The following PTPRR variants were observed in gnomAD, a reference collection of about 807,000 sequenced individuals.
PTPRR encodes the protein receptor-type tyrosine-protein phosphatase R.
In PTPRR, 38 loss-of-function variants were observed where a neutral mutation model predicts 77.2. The ratio of observed to expected loss-of-function variants is 0.49; its 90% CI spans 0.38 to 0.65. The LOEUF (loss-of-function observed/expected upper bound fraction) is 0.65. PTPRR is among the 30% of genes least tolerant of loss of function. The pLI, the probability that PTPRR is intolerant of heterozygous loss-of-function variation, is 0.00. For synonymous variants in PTPRR, 299 were observed against 283.1 expected (o/e 1.06, Z -0.57); for missense variants, 744 against 799.2 (o/e 0.93, Z 0.83).
intron 2 of PTPRR, among the ~76,000 whole-genome samples, chr12:70,862,164 C>G (rs1052909205): frequency 6.6e-6 from 1 of 152,056 alleles, no homozygotes; most frequent in African/African-American, 2.4e-5. Flanking sequence ...AGCAAATTCT[C>G]CAAGGCCTAC....
chr12:70,907,960 T>C (rs1477610969), intron 1 of PTPRR, among the ~76,000 whole-genome samples: 2 of 152,200 alleles, frequency 1.3e-5, no homozygotes, highest in African/African-American at 4.8e-5. Flanking sequence ...TCAGTTCTGT[T>C]TGCACTCACT....
Position 70,736,671 on chromosome 12 carries a change from G to A in PTPRR, c.1007+9147C>T, listed in dbSNP as rs60575273. 6.7e-3 allele frequency among the ~76,000 whole-genome samples: 1,016 copies of A among 152,238 alleles called. 14 individuals carry two copies. Among genetic ancestry groups the A allele is most frequent in the African/African-American group, 0.023 (970 of 41,550 alleles). On this transcript the variant is annotated intron_variant, in intron 6 of 13. Transcript: ENST00000283228. ...AAGGGTCAACAGGGCATACTGAGTT[G>A]TTATTTTTATTGATGTTATTTGGAG...
chr12:70,657,507 C>T (rs753459536), intron 12 of PTPRR, among the ~76,000 whole-genome samples: 1 of 152,186 alleles, frequency 6.6e-6, no homozygotes, highest in Non-Finnish European at 1.5e-5. Flanking sequence ...CACAAGCACA[C>T]GTGCTCTCTC....
chr12:70,717,644 C>T (rs1889082950), intron 6 of PTPRR, among the ~76,000 whole-genome samples: 1 of 152,160 alleles, frequency 6.6e-6, no homozygotes, highest in South Asian at 2.1e-4. Context: ...ATACAAGACA[C>T]AGGACAAAAT....
At chr12:70,820,042 G>C (rs1050546748) in intron 2 of PTPRR, among the ~76,000 whole-genome samples, 1 of 152,154 alleles carries the variant, frequency 6.6e-6, no homozygotes, top group Non-Finnish European at 1.5e-5. Flanking sequence ...ATTAGAAATA[G>C]GTTGAAATAA....
rs541738580 is a variant in PTPRR at position 70,819,269 on chromosome 12, C to T, written c.358-54491G>A. On this transcript the variant is annotated intron_variant, in intron 2 of 13. Transcript: ENST00000283228. ...GCACTGAGCTGAGATTGCACCACTG[C>T]GCTCCAGCCTGGGTGACAGAGTGAG... Among the ~76,000 whole-genome samples, 34 of 152,306 alleles carry T rather than the reference C, an allele frequency of 2.2e-4. 1 individual carries two copies. The South Asian group carries it at 3.5e-3, about 16-fold the overall frequency.
chr12:70,902,395 C>A (rs1893552499), intron 1 of PTPRR, among the ~76,000 whole-genome samples: 1 of 151,758 alleles, frequency 6.6e-6, no homozygotes, highest in South Asian at 2.1e-4. Flanking sequence ...TTCGCAATTG[C>A]AAAATCGTGG....
chr12:70,881,170 T>C (rs547321068), intron 2 of PTPRR, among the ~76,000 whole-genome samples: 8 of 152,282 alleles, frequency 5.3e-5, no homozygotes, highest in African/African-American at 1.9e-4. Flanking sequence ...AGAAACAACA[T>C]GTACTTGTTC....
At chr12:70,870,319 A>C (rs1181583651) in intron 2 of PTPRR, among the ~76,000 whole-genome samples, 1 of 152,198 alleles carries the variant, frequency 6.6e-6, no homozygotes, top group Non-Finnish European at 1.5e-5. Flanking sequence ...CAAAATGGGA[A>C]TAATAATATC....
At chr12:70,769,253 A>G (rs1203144826) in intron 2 of PTPRR, among the ~76,000 whole-genome samples, 2 of 151,122 alleles carry the variant, frequency 1.3e-5, no homozygotes. Flanking sequence ...TTGTATATCT[A>G]GAAAACCCCA....
At chr12:70,640,945 T>A (rs1885974981) in intron 13 of PTPRR, among the ~76,000 whole-genome samples, 1 of 152,310 alleles carries the variant, frequency 6.6e-6, no homozygotes, top group African/African-American at 2.4e-5. Flanking sequence ...ACAGAAGTAT[T>A]TAATTGGTCT....
chr12:70,890,998 A>G (rs534278265), intron 2 of PTPRR, among the ~76,000 whole-genome samples: 69 of 152,284 alleles, frequency 4.5e-4, no homozygotes, highest in Admixed American at 1.1e-3. Flanking sequence ...CATCATGCAC[A>G]TAAGTAATCT....
chr12:70,716,456 G>C (rs1162157155), intron 6 of PTPRR, among the ~76,000 whole-genome samples: 1 of 152,024 alleles, frequency 6.6e-6, no homozygotes, highest in Non-Finnish European at 1.5e-5. Flanking sequence ...AAGTAGGAAA[G>C]GGCAAGATAA....
At chr12:70,903,714 A>G (rs1437183996) in intron 1 of PTPRR, among the ~76,000 whole-genome samples, 1 of 151,878 alleles carries the variant, frequency 6.6e-6, no homozygotes. Context: ...CACAATCCAC[A>G]GAGAAAAAGA....
chr12:70,652,274 G>A (rs1482902665), intron 13 of PTPRR, among the ~76,000 whole-genome samples: 2 of 152,152 alleles, frequency 1.3e-5, no homozygotes, highest in Admixed American at 6.5e-5. Flanking sequence ...ATAGGAAAAA[G>A]CTGAAGGACT....
chr12:70,849,173 A>G (rs1181660658), intron 2 of PTPRR, among the ~76,000 whole-genome samples: 1 of 152,204 alleles, frequency 6.6e-6, no homozygotes, highest in Non-Finnish European at 1.5e-5. Context: ...AAAACAATGT[A>G]TTAGAAATGA....
intron 2 of PTPRR, among the ~76,000 whole-genome samples, chr12:70,827,205 TG>T (rs1236478009): frequency 6.6e-6 from 1 of 152,232 alleles, no homozygotes; most frequent in Non-Finnish European, 1.5e-5. Flanking sequence ...TTTTCCTCAC[TG>T]GAATATAAGT....
chr12:70,659,841 T>A (rs1409241955), intron 12 of PTPRR, among the ~76,000 whole-genome samples: 2 of 151,948 alleles, frequency 1.3e-5, no homozygotes, highest in African/African-American at 4.8e-5. Flanking sequence ...ACCTATGCGG[T>A]TAAACAAAGC....
chr12:70,766,898 T>C (rs907128936), intron 2 of PTPRR, among the ~76,000 whole-genome samples: 2 of 152,212 alleles, frequency 1.3e-5, no homozygotes, highest in Admixed American at 6.5e-5. Flanking sequence ...CCCGGAATTT[T>C]ATATCCAGCC....
Sources: allele counts gnomAD v4.1 joint callset (sites outside exome capture counted in the v4.1 genomes callset), GRCh38; gene constraint gnomAD v4.1.1; transcripts MANE v1.5; gene names NCBI Gene and HGNC (gene_info 2026-07-23, HGNC 2026-07-21).